COX5A: variants seen among roughly 807,000 people sequenced by gnomAD.
COX5A encodes the protein cytochrome c oxidase subunit 5A, mitochondrial.
A neutral mutation model predicts 16.1 loss-of-function variants in COX5A; 6 were observed. The observed-to-expected ratio is 0.37, with a 90% CI of 0.20 to 0.73. The LOEUF (loss-of-function observed/expected upper bound fraction) is 0.73, where lower values mean the gene tolerates loss of function less well. COX5A is among the 30% of genes least tolerant of loss of function. The probability of loss-of-function intolerance (pLI) is 0.50; values close to 1 mark genes in which losing one functional copy is unlikely to be tolerated. For synonymous variants in COX5A, 73 were observed against 73.8 expected (o/e 0.99, Z 0.06); for missense variants, 159 against 194.9 (o/e 0.82, Z 1.10).
chr15:74,924,644 T>C (rs541019202), intron 3 of COX5A, among the ~76,000 whole-genome samples: 4 of 152,234 alleles, frequency 2.6e-5, no homozygotes, highest in Non-Finnish European at 5.9e-5. Flanking sequence ...TCTTAAAGTC[T>C]AGAATTACTG....
intron 1 of COX5A, among the ~76,000 whole-genome samples, chr15:74,933,106 T>C (rs1374647025): frequency 1.3e-5 from 2 of 151,974 alleles, no homozygotes; most frequent in Non-Finnish European, 2.9e-5. Flanking sequence ...AAGACTAATA[T>C]TCAAATTTAA....
At chr15:74,932,368 T>C (rs1325003927) in intron 1 of COX5A, among the ~76,000 whole-genome samples, 4 of 152,028 alleles carry the variant, frequency 2.6e-5, no homozygotes, top group Non-Finnish European at 5.9e-5. Context: ...TTGCCCAGGG[T>C]GGTCTTAAAC....
rs1330877071 is a variant in COX5A at position 74,926,892 on chromosome 15, A to C, written c.218-5T>G. On this transcript the variant is annotated splice_polypyrimidine_tract_variant and splice_region_variant and intron_variant, in intron 2 of 4. Transcript: ENST00000322347. Reference sequence around the variant, plus strand: ...AGGTAACAAGTGTGTTTATCCCTGCAAAATTAAAAAGAAGGGCCATGTCAA... The same window carrying C: ...AGGTAACAAGTGTGTTTATCCCTGCCAAATTAAAAAGAAGGGCCATGTCAA... 5 of 1,606,098 alleles carry C rather than the reference A, an allele frequency of 3.1e-6. No individual in the cohort carries two copies. The highest frequency in any genetic ancestry group is 3.4e-6 in the Non-Finnish European group (4 of 1,177,534).
At chr15:74,936,696 G>T (rs570654526) in intron 1 of COX5A, among the ~76,000 whole-genome samples, 2 of 135,022 alleles carry the variant, frequency 1.5e-5, no homozygotes, top group African/African-American at 2.9e-5. Flanking sequence ...GCGCGATTTC[G>T]GCTCACTGCA....
intron 2 of COX5A, 127 bp downstream of exon 2, chr15:74,928,989 A>C: frequency 1.4e-6 from 1 of 712,298 alleles, no homozygotes. Context: ...AACTTTCCTA[A>C]CTGCAAGTTG....
chr15:74,921,829 C>G (rs2065322397), intron 4 of COX5A, among the ~76,000 whole-genome samples: 1 of 152,120 alleles, frequency 6.6e-6, no homozygotes, highest in Admixed American at 6.6e-5. Flanking sequence ...GAAGTCAAAA[C>G]CATTGCATAT....
chr15:74,923,874 T>A, intron 3 of COX5A, 104 bp from the exon 4 acceptor site: 1 of 713,646 alleles, frequency 1.4e-6, no homozygotes, highest in Non-Finnish European at 2.5e-6. Context: ...CAGAGGCAGG[T>A]AGGACAGAAT....
chr15:74,929,318 T>C (rs2065356509), intron 1 of COX5A, 86 bp from the exon 2 acceptor site: 1 of 900,360 alleles, frequency 1.1e-6, no homozygotes, highest in Non-Finnish European at 1.8e-6. Flanking sequence ...GAGTTGACTA[T>C]ATATGTTGTG....
chr15:74,931,445 G>A (rs979089956), intron 1 of COX5A, among the ~76,000 whole-genome samples: 2 of 152,028 alleles, frequency 1.3e-5, no homozygotes, highest in Admixed American at 6.6e-5. Context: ...AGGTTGAGGT[G>A]AGGTGAGATG....
chr15:74,921,776 A>G (rs2065322096), intron 4 of COX5A, among the ~76,000 whole-genome samples: 1 of 152,186 alleles, frequency 6.6e-6, no homozygotes, highest in Non-Finnish European at 1.5e-5. Context: ...TATAACTAGG[A>G]AAATTTCCAT....
At chr15:74,923,886 A>C in intron 3 of COX5A, 116 bp from the exon 4 acceptor site, 1 of 661,848 alleles carries the variant, frequency 1.5e-6, no homozygotes, top group Non-Finnish European at 2.7e-6. Context: ...GGACAGAATA[A>C]TACAGGTGAT....
chr15:74,935,084 C>T (rs2065383093), intron 1 of COX5A, among the ~76,000 whole-genome samples: 1 of 152,084 alleles, frequency 6.6e-6, no homozygotes, highest in African/African-American at 2.4e-5. Flanking sequence ...CCCTGACAGG[C>T]CCAAAGAATG....
chr15:74,934,617 C>T (rs2065380971), intron 1 of COX5A, among the ~76,000 whole-genome samples: 1 of 152,218 alleles, frequency 6.6e-6, no homozygotes, highest in African/African-American at 2.4e-5. Context: ...AGGCGTGAGC[C>T]ACCATGCCCG....
At chr15:74,934,961 A>G (rs2141274907) in intron 1 of COX5A, among the ~76,000 whole-genome samples, 1 of 152,298 alleles carries the variant, frequency 6.6e-6, no homozygotes, top group East Asian at 1.9e-4. Context: ...TCAGTTAAGC[A>G]CTCCATTTAA....
chr15:74,928,472 C>A (rs2065353133), intron 2 of COX5A, among the ~76,000 whole-genome samples: 1 of 152,010 alleles, frequency 6.6e-6, no homozygotes, highest in Non-Finnish European at 1.5e-5. Flanking sequence ...GCAAGCTCTG[C>A]CTCCCGGGTT....
chr15:74,920,932 G>A (rs2065317120), intron 4 of COX5A, among the ~76,000 whole-genome samples: 1 of 151,704 alleles, frequency 6.6e-6, no homozygotes, highest in African/African-American at 2.4e-5. Flanking sequence ...GGCCGAGATC[G>A]CTTCATTGCA....
rs559424193 is a variant in COX5A, at chr15:74,930,474, A to C, written c.101-1242T>G. Among the ~76,000 whole-genome samples the C allele has an allele frequency of 7.5e-3, 1,135 of 150,434 alleles. 6 individuals are homozygous for C. Among genetic ancestry groups the C allele is most frequent in the South Asian group, 0.027 (129 of 4,736 alleles). Reference sequence around the variant, plus strand: ...ACAAAAAAAACCAAAAAAGCAACAAAAAAAAAAAACTAAGAGCAATACTAA... The same window carrying C: ...ACAAAAAAAACCAAAAAAGCAACAACAAAAAAAAACTAAGAGCAATACTAA... On this transcript the variant is annotated intron_variant, in intron 1 of 4. Coordinates refer to ENST00000322347, the MANE Select transcript of COX5A (RefSeq NM_004255.4).
At chr15:74,933,773 A>G (rs941098983) in intron 1 of COX5A, among the ~76,000 whole-genome samples, 5 of 152,274 alleles carry the variant, frequency 3.3e-5, no homozygotes, top group East Asian at 1.9e-4. Context: ...CCTTCCCCAG[A>G]GGTAATTACC....
chr15:74,933,403 C>T (rs2065374923), intron 1 of COX5A, among the ~76,000 whole-genome samples: 3 of 118,530 alleles, frequency 2.5e-5, no homozygotes, highest in African/African-American at 7.7e-5. Flanking sequence ...AGCAAGACTC[C>T]GTCTCAAAAA....
Sources: allele counts gnomAD v4.1 joint callset (sites outside exome capture counted in the v4.1 genomes callset), GRCh38; gene constraint gnomAD v4.1.1; transcripts MANE v1.5; gene names NCBI Gene and HGNC (gene_info 2026-07-23, HGNC 2026-07-21).